The following MACROD2 variants were observed in gnomAD, a reference collection of about 807,000 sequenced individuals.
The protein encoded by MACROD2 is ADP-ribose glycohydrolase MACROD2.
Under a neutral mutation model 70.4 loss-of-function variants are expected in MACROD2, and 36 were observed. The ratio of observed to expected loss-of-function variants is 0.51; its 90% CI spans 0.39 to 0.68. The LOEUF is 0.68. Ranked by LOEUF, MACROD2 falls within the 30% of genes least tolerant of loss-of-function variation. The pLI, the probability that MACROD2 is intolerant of heterozygous loss-of-function variation, is 0.00. For synonymous variants in MACROD2, 172 were observed against 178.8 expected, an observed-to-expected ratio of 0.96 and a Z score of 0.30; for missense variants, 496 against 538.4, an observed-to-expected ratio of 0.92 and a Z score of 0.78.
rs970554223 is a variant in MACROD2, at chr20:14,727,696, C to T, written c.418+42737C>T. On this transcript the variant is annotated intron_variant, in intron 5 of 17. Transcript: ENST00000684519. ...CAAAGGAATTTCAAATATGTTACGTCATTTGATCTCAGTAAGATTTTTGAT... is the reference window on the plus strand; with the variant it reads ...CAAAGGAATTTCAAATATGTTACGTTATTTGATCTCAGTAAGATTTTTGAT... Among the ~76,000 whole-genome samples the T allele has an allele frequency of 2.0e-5, 3 of 152,290 alleles. No individual in the cohort carries two copies. The South Asian group carries it at 6.2e-4, about 32-fold the overall frequency.
intron 15 of MACROD2, among the ~76,000 whole-genome samples, chr20:16,003,908 G>A (rs1321251333): frequency 6.6e-6 from 1 of 152,082 alleles, no homozygotes; most frequent in African/African-American, 2.4e-5. Context: ...TGACCTCCTG[G>A]TCTGCCCGCC....
At chr20:15,834,818 C>A (rs1933879235) in intron 8 of MACROD2, among the ~76,000 whole-genome samples, 2 of 152,128 alleles carry the variant, frequency 1.3e-5, no homozygotes. Flanking sequence ...TGGTAGCCAG[C>A]CTTAACCATG....
chr20:14,469,040 C>A (rs779717224), intron 3 of MACROD2, among the ~76,000 whole-genome samples: 1 of 151,996 alleles, frequency 6.6e-6, no homozygotes, highest in Non-Finnish European at 1.5e-5. Context: ...CTTTACAATT[C>A]GGTATGTTTT....
chr20:15,948,109 G>A (rs1162417765), intron 12 of MACROD2, among the ~76,000 whole-genome samples: 2 of 152,116 alleles, frequency 1.3e-5, no homozygotes, highest in East Asian at 1.9e-4. Context: ...TTCCTAGGCC[G>A]ACTAAGAATC....
chr20:14,579,828 G>A (rs1233689970), intron 4 of MACROD2, among the ~76,000 whole-genome samples: 1 of 152,186 alleles, frequency 6.6e-6, no homozygotes, highest in Non-Finnish European at 1.5e-5. Context: ...TAAAGTAGTT[G>A]TATTGTTGAT....
At chr20:15,660,732 A>G (rs1352780574) in intron 8 of MACROD2, among the ~76,000 whole-genome samples, 1 of 152,212 alleles carries the variant, frequency 6.6e-6, no homozygotes, top group Non-Finnish European at 1.5e-5. Flanking sequence ...TGCAGGACCC[A>G]CAGGCATGAA....
intron 4 of MACROD2, among the ~76,000 whole-genome samples, chr20:14,506,053 G>T (rs751954875): frequency 2.0e-5 from 3 of 152,174 alleles, no homozygotes; most frequent in Non-Finnish European, 4.4e-5. Flanking sequence ...GTGTTGGGGG[G>T]TGGGCAGGTT....
At chr20:14,090,282 T>A (rs1333409854) in intron 3 of MACROD2, among the ~76,000 whole-genome samples, 2 of 152,010 alleles carry the variant, frequency 1.3e-5, no homozygotes, top group Non-Finnish European at 2.9e-5. Context: ...ATAAAAGAAC[T>A]CCCTCATGCT....
intron 2 of MACROD2, among the ~76,000 whole-genome samples, chr20:14,006,307 A>G (rs2052819327): frequency 6.6e-6 from 1 of 152,196 alleles, no homozygotes; most frequent in East Asian, 1.9e-4. Context: ...GTAGCAATGC[A>G]TCCATTACCC....
intron 2 of MACROD2, among the ~76,000 whole-genome samples, chr20:14,078,639 G>C (rs777276465): frequency 6.6e-6 from 1 of 150,776 alleles, no homozygotes; most frequent in African/African-American, 2.4e-5. Flanking sequence ...AACTCCTGAC[G>C]TCAGGTGATC....
chr20:15,610,956 T>C (rs1352992739), intron 8 of MACROD2, among the ~76,000 whole-genome samples: 2 of 151,862 alleles, frequency 1.3e-5, no homozygotes, highest in Non-Finnish European at 2.9e-5. Context: ...TCACTTCATC[T>C]TGTGCTTTTC....
At chr20:15,978,707 C>T (rs2066350804) in intron 13 of MACROD2, among the ~76,000 whole-genome samples, 1 of 151,892 alleles carries the variant, frequency 6.6e-6, no homozygotes, top group African/African-American at 2.4e-5. Context: ...AGGTCTTGAT[C>T]AAGTTCAAAT....
At chr20:15,148,619 GT>G (rs535877313) in intron 5 of MACROD2, among the ~76,000 whole-genome samples, 247 of 152,068 alleles carry the variant, frequency 1.6e-3, no homozygotes, top group African/African-American at 5.7e-3. Flanking sequence ...CAGATGACAA[GT>G]TTTTTGGGGC....
At position 15,122,257 on chromosome 20, in the gene MACROD2, T is replaced by C. The variant is rs187086808; in HGVS notation, c.419-107683T>C. On this transcript the variant is annotated intron_variant, in intron 5 of 17. Transcript: ENST00000684519. ...GACATTAGGCTCTGTAATACCATTT[T>C]CCCTATCATCTGGATGTATTGCTAT... Among the ~76,000 whole-genome samples, 23 of 152,264 alleles carry C rather than the reference T, an allele frequency of 1.5e-4. No individual in the cohort carries two copies. The East Asian group carries it at 4.4e-3, about 29-fold the overall frequency.
At chr20:14,829,104 C>G (rs758512799) in intron 5 of MACROD2, among the ~76,000 whole-genome samples, 155 of 151,364 alleles carry the variant, frequency 1.0e-3, no homozygotes, top group Non-Finnish European at 1.7e-3. Context: ...CCTGCTCCCC[C>G]GCCCCACAGT....
chr20:15,960,664 A>G (rs368427509), intron 12 of MACROD2, among the ~76,000 whole-genome samples: 72 of 152,286 alleles, frequency 4.7e-4, no homozygotes, highest in African/African-American at 1.7e-3. Context: ...TAAGAGATGT[A>G]TAGAGTGCAT....
At chr20:15,939,213 A>G (rs1433855308) in intron 12 of MACROD2, among the ~76,000 whole-genome samples, 1 of 152,232 alleles carries the variant, frequency 6.6e-6, no homozygotes, top group Non-Finnish European at 1.5e-5. Flanking sequence ...CAGATTTTCA[A>G]TGTAGACAAA....
At chr20:14,340,517 T>C (rs1168904058) in intron 3 of MACROD2, among the ~76,000 whole-genome samples, 1 of 151,842 alleles carries the variant, frequency 6.6e-6, no homozygotes, top group Non-Finnish European at 1.5e-5. Flanking sequence ...TTCAAATTTC[T>C]CTTTGAAGTA....
intron 5 of MACROD2, among the ~76,000 whole-genome samples, chr20:15,056,107 C>G (rs1316228765): frequency 6.6e-6 from 1 of 152,088 alleles, no homozygotes; most frequent in Non-Finnish European, 1.5e-5. Context: ...TCTTTAAAGT[C>G]TACTTGACAG....
Sources: allele counts gnomAD v4.1 joint callset (sites outside exome capture counted in the v4.1 genomes callset), GRCh38; gene constraint gnomAD v4.1.1; transcripts MANE v1.5; gene names NCBI Gene and HGNC (gene_info 2026-07-23, HGNC 2026-07-21).